Variants in PTPRJ observed in about 807,000 individuals in gnomAD.
PTPRJ encodes receptor-type tyrosine-protein phosphatase eta.
PTPRJ carries 129 observed loss-of-function variants against 141.3 expected under a neutral mutation model. That is an observed-to-expected ratio of 0.91 (90% confidence interval 0.79 to 1.06). The LOEUF (loss-of-function observed/expected upper bound fraction) is 1.06. PTPRJ is among the 50% of genes least tolerant of loss of function. The pLI is 0.00. For synonymous variants in PTPRJ, 610 were observed against 640.5 expected, an observed-to-expected ratio of 0.95 and a Z score of 0.72; for missense variants, 1,601 against 1,679.7, an observed-to-expected ratio of 0.95 and a Z score of 0.82.
At chr11:48,002,645 C>T (rs575538779) in intron 1 of PTPRJ, among the ~76,000 whole-genome samples, 5 of 152,270 alleles carry the variant, frequency 3.3e-5, no homozygotes, top group Admixed American at 3.3e-4. Context: ...AACTGGTTAC[C>T]TGGGTGCTTT....
At chr11:48,029,163 C>T (rs555497194) in intron 1 of PTPRJ, among the ~76,000 whole-genome samples, 5 of 152,286 alleles carry the variant, frequency 3.3e-5, no homozygotes, top group African/African-American at 4.8e-5. Context: ...CAGCCTCATT[C>T]GGCGTTGATA....
At chr11:48,149,037 C>T (rs1406678866) in intron 15 of PTPRJ, among the ~76,000 whole-genome samples, 2 of 152,168 alleles carry the variant, frequency 1.3e-5, no homozygotes, top group Non-Finnish European at 2.9e-5. Flanking sequence ...GTGCAGATGC[C>T]TCACCAACTT....
rs1468712424 is a variant in PTPRJ, at chr11:48,139,818, A to C, written c.2443+42A>C. 4 of 1,597,542 alleles carry C rather than the reference A, an allele frequency of 2.5e-6. No homozygotes were observed. In the Middle Eastern group the frequency reaches 8.2e-4, roughly 327 times the overall value. On this transcript the variant is annotated intron_variant, in intron 11 of 24. Coordinates refer to ENST00000418331, the MANE Select transcript of PTPRJ (RefSeq NM_002843.4). The stretch of plus-strand genomic sequence containing the variant: ...GGGCTGGTCAGTTGGCACTGTGATC[A>C]CTCCTGGAGCGGCTGACCCACAGTG...
intron 1 of PTPRJ, among the ~76,000 whole-genome samples, chr11:48,076,575 C>T (rs1855408964): frequency 6.6e-6 from 1 of 151,946 alleles, no homozygotes; most frequent in South Asian, 2.1e-4. Context: ...GTACCAGGCT[C>T]ACTTCAAAGA....
At chr11:48,132,089 G>A in intron 8 of PTPRJ, 1 of 970,014 alleles carries the variant, frequency 1.0e-6, no homozygotes, top group Non-Finnish European at 1.2e-6. Context: ...TGGTAAAGAA[G>A]TCCTGAGAGC....
intron 4 of PTPRJ, among the ~76,000 whole-genome samples, chr11:48,122,289 A>G (rs1438283130): frequency 6.6e-6 from 1 of 152,170 alleles, no homozygotes; most frequent in Non-Finnish European, 1.5e-5. Context: ...AGAAAAGAGC[A>G]TAGAACTTGG....
intron 1 of PTPRJ, among the ~76,000 whole-genome samples, chr11:48,100,362 C>A (rs1273320426): frequency 6.6e-6 from 1 of 152,298 alleles, no homozygotes; most frequent in African/African-American, 2.4e-5. Flanking sequence ...AACTCTCCTT[C>A]CCAAGGCTGT....
intron 1 of PTPRJ, among the ~76,000 whole-genome samples, chr11:47,998,663 C>G (rs1456037560): frequency 6.6e-6 from 1 of 152,156 alleles, no homozygotes; most frequent in African/African-American, 2.4e-5. Context: ...TATGCAGTGC[C>G]CCCGGCAAGG....
rs1005701243 is a variant in PTPRJ, at chr11:48,005,326, C to A, written c.96+24318C>A. Among the ~76,000 whole-genome samples the A allele has an allele frequency of 3.3e-5, 5 of 152,226 alleles. No homozygotes were observed. In the South Asian group the frequency reaches 8.3e-4, roughly 25 times the overall value. ...ATATTTTCGTTACTCACAAAAGAAA[C>A]CCCATGCCCACGAGTGCTCACTCCT... On this transcript the variant is annotated intron_variant, in intron 1 of 24. Coordinates refer to ENST00000418331, the MANE Select transcript of PTPRJ (RefSeq NM_002843.4).
intron 1 of PTPRJ, among the ~76,000 whole-genome samples, chr11:48,063,218 C>A (rs1332102026): frequency 6.6e-6 from 1 of 152,092 alleles, no homozygotes. Flanking sequence ...ATCCCAGCTA[C>A]TTGGGAGGCT....
At chr11:48,082,637 G>A (rs938501540) in intron 1 of PTPRJ, among the ~76,000 whole-genome samples, 1 of 149,038 alleles carries the variant, frequency 6.7e-6, no homozygotes, top group Non-Finnish European at 1.5e-5. Flanking sequence ...TTTTTTAATG[G>A]CGATGTAGTA....
chr11:48,135,942 A>G, intron 8 of PTPRJ, 97 bp from the exon 9 acceptor site: 1 of 1,402,082 alleles, frequency 7.1e-7, no homozygotes, highest in South Asian at 1.3e-5. Context: ...TAGAAAGCGT[A>G]ATGGCAAAAG....
At chr11:48,159,508 G>A (rs924715) in intron 21 of PTPRJ, among the ~76,000 whole-genome samples, 106,227 of 152,100 alleles carry the variant, frequency 0.7, 37,947 homozygotes, top group South Asian at 0.8. Flanking sequence ...AGCAGGGCCT[G>A]TTGTAGGCAG....
chr11:48,073,081 C>T (rs547381597), intron 1 of PTPRJ, among the ~76,000 whole-genome samples: 1 of 152,198 alleles, frequency 6.6e-6, no homozygotes, highest in Non-Finnish European at 1.5e-5. Context: ...TCAGAACAGT[C>T]TTACGATGGG....
intron 1 of PTPRJ, among the ~76,000 whole-genome samples, chr11:48,071,378 G>A (rs991989773): frequency 1.1e-4 from 17 of 151,486 alleles, no homozygotes; most frequent in African/African-American, 3.6e-4. Flanking sequence ...GTGCAGTGGC[G>A]CTATCTTGGC....
At chr11:48,085,454 C>T (rs897273706) in intron 1 of PTPRJ, among the ~76,000 whole-genome samples, 2 of 152,122 alleles carry the variant, frequency 1.3e-5, no homozygotes, top group African/African-American at 4.8e-5. Context: ...AAAGGATTCT[C>T]CTGCCTCAGC....
At chr11:48,000,935 T>C (rs1174887818) in intron 1 of PTPRJ, among the ~76,000 whole-genome samples, 1 of 151,654 alleles carries the variant, frequency 6.6e-6, no homozygotes. Flanking sequence ...GAGCTGGTAT[T>C]ATCCACAGGT....
chr11:48,095,876 C>T (rs1420518811), intron 1 of PTPRJ, among the ~76,000 whole-genome samples: 1 of 152,186 alleles, frequency 6.6e-6, no homozygotes, highest in Non-Finnish European at 1.5e-5. Context: ...CCACCATGCC[C>T]TGCCTCAAGC....
At chr11:48,012,519 C>A (rs1287923513) in intron 1 of PTPRJ, among the ~76,000 whole-genome samples, 1 of 152,060 alleles carries the variant, frequency 6.6e-6, no homozygotes, top group Non-Finnish European at 1.5e-5. Flanking sequence ...AGAGGGGTAC[C>A]TACTCTGTCT....
Sources: allele counts gnomAD v4.1 joint callset (sites outside exome capture counted in the v4.1 genomes callset), GRCh38; gene constraint gnomAD v4.1.1; transcripts MANE v1.5; gene names NCBI Gene and HGNC (gene_info 2026-07-23, HGNC 2026-07-21).